Variants in JADE1 observed in about 807,000 individuals in gnomAD.
JADE1 encodes the protein jade family PHD finger 1, also known as protein Jade-1.
JADE1 carries 14 observed loss-of-function variants against 81.8 expected under a neutral mutation model. That is an observed-to-expected ratio of 0.17 (90% confidence interval 0.11 to 0.27). The LOEUF (loss-of-function observed/expected upper bound fraction) is 0.27. JADE1 is among the 10% of genes least tolerant of loss of function. The pLI is 1.00. For missense variants in JADE1, 690 were observed against 1,047.9 expected, an observed-to-expected ratio of 0.66 and a Z score of 4.71; for synonymous variants, 353 against 391.9, an observed-to-expected ratio of 0.90 and a Z score of 1.17.
At chr4:128,864,158 A>AT (rs374419885) in intron 9 of JADE1, 2 of 971,464 alleles carry the variant, frequency 2.1e-6, no homozygotes, top group Non-Finnish European at 2.4e-6. Context: ...GTTTATTTTT[A>AT]TTTTTTCAAG....
rs1727756647 is a variant in JADE1, at chr4:128,823,423, T to C, written c.-26-8310T>C. Among the ~76,000 whole-genome samples, 3 of 152,226 alleles carry C rather than the reference T, an allele frequency of 2.0e-5. No homozygotes were observed. The South Asian group carries it at 6.2e-4, about 31-fold the overall frequency. On this transcript the variant is annotated intron_variant, in intron 1 of 10. Coordinates refer to ENST00000226319, the MANE Select transcript of JADE1 (RefSeq NM_199320.4). Reference sequence around the variant, plus strand: ...GAATTTAAAGTGAACTAATGTATTATAGTACATGGGCTTTATGAGTAATGC... The same window carrying C: ...GAATTTAAAGTGAACTAATGTATTACAGTACATGGGCTTTATGAGTAATGC...
chr4:128,820,392 G>C (rs1165422540), intron 1 of JADE1, among the ~76,000 whole-genome samples: 1 of 151,986 alleles, frequency 6.6e-6, no homozygotes, highest in Non-Finnish European at 1.5e-5. Flanking sequence ...GATTACAGGC[G>C]TGAGCCACCA....
At chr4:128,862,251 A>G (rs1488806783) in intron 9 of JADE1, 26 bp downstream of exon 9, 3 of 1,613,304 alleles carry the variant, frequency 1.9e-6, no homozygotes, top group Non-Finnish European at 2.5e-6. Context: ...GACACCTTAT[A>G]GTGACTTAGA....
chr4:128,867,815 A>G (rs1731892500), intron 9 of JADE1, 41 bp from the exon 10 acceptor site: 1 of 1,308,040 alleles, frequency 7.6e-7, no homozygotes, highest in Non-Finnish European at 1.1e-6. Context: ...GTACTGTTAT[A>G]CTGTATTGCT....
At chr4:128,816,012 C>CT (rs11453084) in intron 1 of JADE1, among the ~76,000 whole-genome samples, 79,343 of 144,582 alleles carry the variant, frequency 0.55, 22,232 homozygotes, top group South Asian at 0.66. Context: ...TTCAACAATA[C>CT]TTTTTTTTTT....
At chr4:128,864,404 C>T in intron 9 of JADE1, 1 of 974,664 alleles carries the variant, frequency 1.0e-6, no homozygotes, top group South Asian at 4.7e-5. Context: ...TCTTGGCCTC[C>T]CAGAGTGTTG....
intron 1 of JADE1, among the ~76,000 whole-genome samples, chr4:128,822,364 C>T (rs1579108057): frequency 6.6e-6 from 1 of 151,552 alleles, no homozygotes; most frequent in East Asian, 1.9e-4. Flanking sequence ...AAGACTCTGT[C>T]TCTCAAAAAA....
Position 128,873,764 on chromosome 4 carries a change from A to C in JADE1, c.*1502A>C, listed in dbSNP as rs1732377500. The C allele has an allele frequency of 6.6e-6, 1 of 152,474 alleles. No homozygotes were observed. The highest frequency in any genetic ancestry group is 1.5e-5 in the Non-Finnish European group (1 of 68,038). The allele number at this position is 152,474 out of a possible 1,614,324, so 9.4% of individuals were successfully genotyped here. On this transcript the variant is annotated 3_prime_UTR_variant, in exon 11 of 11. Transcript: ENST00000226319. ...GTATTCAGATTCCTGATTCATTTAT[A>C]CATCTGTTTCCATATGGCAGGGACA...
Position 128,873,203 on chromosome 4 carries a change from G to T in JADE1, c.*941G>T, listed in dbSNP as rs2125909579. 1 of 137,736 alleles carries T rather than the reference G, an allele frequency of 7.3e-6. No homozygotes were observed. Among genetic ancestry groups the T allele is most frequent in the East Asian group, 2.1e-4 (1 of 4,722 alleles). The allele number at this position is 137,736 out of a possible 1,614,324, so 8.5% of individuals were successfully genotyped here. On this transcript the variant is annotated 3_prime_UTR_variant, in exon 11 of 11. Coordinates refer to ENST00000226319, the MANE Select transcript of JADE1 (RefSeq NM_199320.4). ...TTACTTCCCAGAGCCAACCACTAGT[G>T]CATATGTTAGGGAATCTGGGCTTCC...
At chr4:128,847,186 C>T (rs192920062) in intron 4 of JADE1, among the ~76,000 whole-genome samples, 18 of 152,306 alleles carry the variant, frequency 1.2e-4, no homozygotes, top group African/African-American at 3.4e-4. Context: ...CTCACTGTGC[C>T]ACTCTGTGCC....
At chr4:128,813,648 C>G (rs901446449) in intron 1 of JADE1, among the ~76,000 whole-genome samples, 1 of 151,902 alleles carries the variant, frequency 6.6e-6, no homozygotes, top group Admixed American at 6.6e-5. Context: ...GTCTCGAACT[C>G]CTGACCTCGT....
intron 1 of JADE1, among the ~76,000 whole-genome samples, chr4:128,817,790 G>A (rs550855136): frequency 3.9e-5 from 6 of 152,188 alleles, no homozygotes; most frequent in Non-Finnish European, 8.8e-5. Context: ...GAAAACATGG[G>A]TGTTTCCTTA....
rs117902843 is a variant in JADE1, at chr4:128,837,679, G to A, written c.53-5274G>A. 1.6e-3 allele frequency among the ~76,000 whole-genome samples: 238 copies of A among 152,270 alleles called. 3 individuals carry two copies. Among genetic ancestry groups the A allele is most frequent in the East Asian group, 0.014 (73 of 5,182 alleles). On this transcript the variant is annotated intron_variant, in intron 2 of 10. Coordinates refer to ENST00000226319, the MANE Select transcript of JADE1 (RefSeq NM_199320.4). Reference sequence around the variant, plus strand: ...TGGCTTTTAAGTAACTCATAGATGCGTTTGTCAGGTCTGTGTGCCCTTGCT... The same window carrying A: ...TGGCTTTTAAGTAACTCATAGATGCATTTGTCAGGTCTGTGTGCCCTTGCT...
chr4:128,867,134 A>C (rs1273653330), intron 9 of JADE1, among the ~76,000 whole-genome samples: 1 of 152,204 alleles, frequency 6.6e-6, no homozygotes, highest in African/African-American at 2.4e-5. Context: ...GGGCAATACC[A>C]GTTTTTCAAG....
chr4:128,817,473 C>A (rs1727147275), intron 1 of JADE1, among the ~76,000 whole-genome samples: 1 of 152,150 alleles, frequency 6.6e-6, no homozygotes, highest in Admixed American at 6.5e-5. Context: ...TGGGTCCACA[C>A]TGAGGCATAA....
At chr4:128,852,013 A>G (rs759043551) in intron 5 of JADE1, 44 bp from the exon 6 acceptor site, 1 of 1,191,160 alleles carries the variant, frequency 8.4e-7, no homozygotes. Flanking sequence ...ATATTTATTA[A>G]TATGGATTTA....
chr4:128,855,860 C>A, intron 7 of JADE1, 63 bp downstream of exon 7: 1 of 1,448,066 alleles, frequency 6.9e-7, no homozygotes, highest in Non-Finnish European at 9.3e-7. Flanking sequence ...ACTCTGTCGC[C>A]CAGGCTGGAG....
rs756875626 is a variant in JADE1 at position 128,861,754 on chromosome 4, C to T, written c.1032C>T (p.Asp344=). 2 of 1,614,158 alleles carry T rather than the reference C, an allele frequency of 1.2e-6. No individual in the cohort carries two copies. The highest frequency in any genetic ancestry group is 1.7e-6 in the Non-Finnish European group (2 of 1,180,016). ...RTAFHVTCAF[D]RGLEMKTILA... The stretch of plus-strand genomic sequence containing the variant: ...CCTTCCATGTGACCTGTGCTTTTGA[C>T]CGGGGCCTGGAGATGAAGACCATCT... The change falls in exon 9 of 11, where the codon GAC becomes GAT. Residue 344 remains aspartate, a synonymous_variant. Transcript: ENST00000226319.
chr4:128,861,916 G>A lies in JADE1; in HGVS notation c.1194G>A (p.Glu398=). The change falls in exon 9 of 11, where the codon GAG becomes GAA. Residue 398 remains glutamate (E), a synonymous_variant. Coordinates refer to ENST00000226319, the MANE Select transcript of JADE1 (RefSeq NM_199320.4). The part of the protein sequence containing the change: ...APECSPRNPL[E]PFASLEQNRE... ...AGTGTTCCCCCCGGAATCCGCTGGA[G>A]CCCTTTGCCAGCCTTGAGCAGAACC... is the stretch of plus-strand genomic sequence containing the variant. 2 of 1,614,102 alleles carry A rather than the reference G, an allele frequency of 1.2e-6. No individual in the cohort carries two copies. Among genetic ancestry groups the A allele is most frequent in the Non-Finnish European group, 1.7e-6 (2 of 1,179,950 alleles).
Sources: allele counts gnomAD v4.1 joint callset (sites outside exome capture counted in the v4.1 genomes callset), GRCh38; gene constraint gnomAD v4.1.1; transcripts MANE v1.5; gene names NCBI Gene and HGNC (gene_info 2026-07-23, HGNC 2026-07-21).